TMTC2: variants seen among roughly 807,000 people sequenced by gnomAD.
TMTC2 encodes the protein transmembrane O-mannosyltransferase targeting cadherins 2, also known as protein O-mannosyl-transferase TMTC2.
Under a neutral mutation model 82.4 loss-of-function variants are expected in TMTC2, and 43 were observed. The observed-to-expected ratio is 0.52, with a 90% CI of 0.41 to 0.67. The LOEUF (loss-of-function observed/expected upper bound fraction) is 0.67. Among genes scored for constraint, TMTC2 ranks in the 30% least tolerant of loss-of-function variants. The pLI, the probability that TMTC2 is intolerant of heterozygous loss-of-function variation, is 0.00. For synonymous variants in TMTC2, 408 were observed against 381.9 expected (o/e 1.07, Z -0.80); for missense variants, 919 against 1,012.4 (o/e 0.91, Z 1.25).
At position 83,061,759 on chromosome 12, in the gene TMTC2, C is replaced by T; in HGVS notation, c.2268-9C>T. On this transcript the variant is annotated splice_polypyrimidine_tract_variant and intron_variant, in intron 10 of 11. Coordinates refer to ENST00000321196, the MANE Select transcript of TMTC2 (RefSeq NM_152588.3). ...ATGATATAGTTTTATTTTATTTTTT[C>T]TTTTACAGACAGGCTAGCCTCAATG... The T allele has an allele frequency of 6.3e-7, 1 of 1,581,304 alleles. No homozygotes were observed. Among genetic ancestry groups the T allele is most frequent in the Non-Finnish European group, 8.6e-7 (1 of 1,166,784 alleles).
At chr12:82,932,451 C>T (rs1380086476) in intron 4 of TMTC2, among the ~76,000 whole-genome samples, 1 of 152,140 alleles carries the variant, frequency 6.6e-6, no homozygotes, top group Non-Finnish European at 1.5e-5. Context: ...TGTATCTTAC[C>T]ATCATCTTTG....
chr12:82,693,559 G>T (rs1319145581), intron 1 of TMTC2, among the ~76,000 whole-genome samples: 1 of 152,102 alleles, frequency 6.6e-6, no homozygotes, highest in Admixed American at 6.6e-5. Context: ...AAGACAGTTA[G>T]GTCCAAAAAG....
intron 1 of TMTC2, among the ~76,000 whole-genome samples, chr12:82,744,508 T>A (rs1287536159): frequency 6.8e-6 from 1 of 146,490 alleles, no homozygotes; most frequent in African/African-American, 2.5e-5. Flanking sequence ...AAGCAGAGGA[T>A]CACAAGTTCA....
At chr12:82,906,801 A>G (rs1348292824) in intron 3 of TMTC2, among the ~76,000 whole-genome samples, 3 of 152,202 alleles carry the variant, frequency 2.0e-5, no homozygotes, top group Non-Finnish European at 4.4e-5. Flanking sequence ...GTGCTGTAAA[A>G]CACAGCTTTT....
intron 4 of TMTC2, among the ~76,000 whole-genome samples, chr12:82,960,507 A>C (rs1877870493): frequency 6.6e-6 from 1 of 152,072 alleles, no homozygotes; most frequent in Non-Finnish European, 1.5e-5. Context: ...CATTATCCTA[A>C]GGAGATTAAT....
chr12:82,837,222 A>G (rs1457892334), intron 1 of TMTC2, among the ~76,000 whole-genome samples: 9 of 152,232 alleles, frequency 5.9e-5, no homozygotes, highest in Admixed American at 5.9e-4. Flanking sequence ...GGGTTTAACC[A>G]TCTACTGCGG....
At chr12:82,803,832 G>A (rs7132287) in intron 1 of TMTC2, among the ~76,000 whole-genome samples, 36,757 of 151,836 alleles carry the variant, frequency 0.24, 5,321 homozygotes, top group African/African-American at 0.39. Context: ...TTGACCTCCA[G>A]AGTTCCTGCT....
intron 8 of TMTC2, among the ~76,000 whole-genome samples, chr12:82,997,824 T>A (rs2137361509): frequency 6.6e-6 from 1 of 152,198 alleles, no homozygotes; most frequent in East Asian, 1.9e-4. Flanking sequence ...AGATACATAC[T>A]ATATTTCATT....
At chr12:82,827,217 C>G (rs1225386417) in intron 1 of TMTC2, among the ~76,000 whole-genome samples, 1 of 152,162 alleles carries the variant, frequency 6.6e-6, no homozygotes, top group Non-Finnish European at 1.5e-5. Context: ...CTATAGTAAG[C>G]TGGTTTTGTT....
At chr12:82,716,289 T>G (rs2136920149) in intron 1 of TMTC2, among the ~76,000 whole-genome samples, 1 of 152,312 alleles carries the variant, frequency 6.6e-6, no homozygotes, top group East Asian at 1.9e-4. Flanking sequence ...TAAAAATCAT[T>G]ATGCTATTAC....
chr12:83,007,984 C>T (rs1307104581), intron 8 of TMTC2, among the ~76,000 whole-genome samples: 1 of 152,146 alleles, frequency 6.6e-6, no homozygotes, highest in East Asian at 1.9e-4. Context: ...CAGAAGTTCA[C>T]TGTAATTCGC....
chr12:82,711,195 A>C (rs1454383767), intron 1 of TMTC2, among the ~76,000 whole-genome samples: 20 of 152,222 alleles, frequency 1.3e-4, no homozygotes, highest in Non-Finnish European at 2.9e-5. Context: ...GAGTTTGGCT[A>C]AGTCAGTAGT....
intron 1 of TMTC2, among the ~76,000 whole-genome samples, chr12:82,725,794 G>C (rs886499831): frequency 6.6e-6 from 1 of 152,204 alleles, no homozygotes; most frequent in Non-Finnish European, 1.5e-5. Context: ...ACATTTTCTA[G>C]TTTACAATGG....
chr12:82,882,189 CG>C (rs1465937321), intron 2 of TMTC2, among the ~76,000 whole-genome samples: 1 of 151,036 alleles, frequency 6.6e-6, no homozygotes, highest in Non-Finnish European at 1.5e-5. Context: ...TTAGTAGAGA[CG>C]GGGTTTCACC....
chr12:83,056,408 G>C (rs1423994861), intron 10 of TMTC2, among the ~76,000 whole-genome samples: 2 of 151,856 alleles, frequency 1.3e-5, no homozygotes, highest in Non-Finnish European at 2.9e-5. Context: ...CTAGAGAGCA[G>C]AGTGAATATA....
chr12:82,953,322 TTG>T (rs1430469728), intron 4 of TMTC2, among the ~76,000 whole-genome samples: 1 of 152,230 alleles, frequency 6.6e-6, no homozygotes, highest in African/African-American at 2.4e-5. Context: ...TCCTAAGCTC[TTG>T]TGTCTCTCTA....
At position 82,885,798 on chromosome 12, in the gene TMTC2, T is replaced by A. The variant is rs946044459; in HGVS notation, c.655-10020T>A. Among the ~76,000 whole-genome samples the A allele has an allele frequency of 5.9e-5, 9 of 152,292 alleles. 1 individual carries two copies. In the South Asian group the frequency reaches 1.2e-3, roughly 21 times the overall value. ...GACCTTCATCACCTGCCAGTGATAGTGTTTTTCAGGTTTCTCCACCGTAAA... is the reference window on the plus strand; with the variant it reads ...GACCTTCATCACCTGCCAGTGATAGAGTTTTTCAGGTTTCTCCACCGTAAA... On this transcript the variant is annotated intron_variant, in intron 2 of 11. Transcript: ENST00000321196.
rs11115360 is a variant in TMTC2, at chr12:82,729,049, C to T, written c.83+41380C>T. Among the ~76,000 whole-genome samples, 1,358 of 152,338 alleles carry T rather than the reference C, an allele frequency of 8.9e-3. 9 individuals are homozygous for T. Among genetic ancestry groups the T allele is most frequent in the Non-Finnish European group, 0.015 (1,001 of 68,022 alleles). ...GCGTGGCCCGAGCCTCCCCGACGAG[C>T]GCTGCCCCCTGCTCCAGGTGCCCAG... On this transcript the variant is annotated intron_variant, in intron 1 of 11. Transcript: ENST00000321196.
intron 1 of TMTC2, among the ~76,000 whole-genome samples, chr12:82,735,368 C>G (rs951095820): frequency 1.7e-4 from 25 of 142,928 alleles, no homozygotes; most frequent in Admixed American, 3.6e-4. Context: ...TTTTTTGAGA[C>G]AGAGTCTTAC....
Sources: gnomAD v4.1 joint callset for allele counts (sites outside exome capture counted in the v4.1 genomes callset) on GRCh38, gnomAD v4.1.1 for gene constraint, MANE v1.5 for transcripts, NCBI Gene and HGNC (gene_info 2026-07-23, HGNC 2026-07-21) for gene names.